Variants in RCC2 observed in about 807,000 individuals in gnomAD.
The protein encoded by RCC2 is protein RCC2.
RCC2 carries 19 observed loss-of-function variants against 64.1 expected under a neutral mutation model. The observed-to-expected ratio is 0.30, with a 90% CI of 0.21 to 0.44. The LOEUF is 0.44. Ranked by LOEUF, RCC2 falls within the 20% of genes least tolerant of loss-of-function variation. The probability of loss-of-function intolerance (pLI) is 1.00; values close to 1 mark genes in which losing one functional copy is unlikely to be tolerated. For synonymous variants in RCC2, 325 were observed against 279.6 expected (o/e 1.16, Z -1.62); for missense variants, 508 against 710.4 (o/e 0.72, Z 3.24).
At chr1:17,411,614 AG>A (rs1182247927) in intron 11 of RCC2, among the ~76,000 whole-genome samples, 1 of 151,444 alleles carries the variant, frequency 6.6e-6, no homozygotes, top group Non-Finnish European at 1.5e-5. Context: ...ACCTAGCACC[AG>A]GATCTAAGAA....
chr1:17,416,431 C>A lies in RCC2; in HGVS notation c.1026+49G>T, dbSNP rs1000800631. 10 of 1,561,188 alleles carry A rather than the reference C, an allele frequency of 6.4e-6. No homozygotes were observed. In the Admixed American group the frequency reaches 7.2e-5, roughly 11 times the overall value. ...GTCAGGAAACTTGAGCATAAACACC[C>A]CTTCCATCCTGGTGCGACTCTCAGG... On this transcript the variant is annotated intron_variant, in intron 8 of 12. Coordinates refer to ENST00000375436, the MANE Select transcript of RCC2 (RefSeq NM_018715.4).
chr1:17,418,988 G>C (rs988598642), intron 7 of RCC2, among the ~76,000 whole-genome samples: 4 of 152,202 alleles, frequency 2.6e-5, no homozygotes, highest in Non-Finnish European at 5.9e-5. Flanking sequence ...GTACAGGACA[G>C]AAGCTACTCC....
At chr1:17,429,283 G>C in intron 2 of RCC2, 84 bp from the exon 3 acceptor site, 1 of 1,073,216 alleles carries the variant, frequency 9.3e-7, no homozygotes, top group Non-Finnish European at 1.4e-6. Context: ...AGCACGAAAC[G>C]AAAGAAAATC....
chr1:17,415,834 C>A (rs542220835), intron 8 of RCC2, among the ~76,000 whole-genome samples: 1 of 151,490 alleles, frequency 6.6e-6, no homozygotes, highest in South Asian at 2.1e-4. Flanking sequence ...TTTGAGAGGC[C>A]GAGGTGGGCA....
intron 2 of RCC2, among the ~76,000 whole-genome samples, chr1:17,431,701 G>A (rs899648995): frequency 1.3e-5 from 2 of 151,538 alleles, no homozygotes; most frequent in African/African-American, 2.4e-5. Context: ...TGATTAGGGC[G>A]TCCCCCAAGA....
intron 1 of RCC2, among the ~76,000 whole-genome samples, chr1:17,438,894 G>A (rs983721879): frequency 1.3e-5 from 2 of 152,214 alleles, no homozygotes. Context: ...ATTAAAGAAG[G>A]CTTCGGGACA....
chr1:17,435,865 C>G (rs1273936024), intron 2 of RCC2, among the ~76,000 whole-genome samples: 6 of 148,928 alleles, frequency 4.0e-5, no homozygotes, highest in Non-Finnish European at 7.4e-5. Context: ...TTGCAGTGAG[C>G]TGAGATCGCA....
intron 8 of RCC2, among the ~76,000 whole-genome samples, chr1:17,415,441 G>A (rs182243017): frequency 2.0e-5 from 3 of 152,290 alleles, no homozygotes; most frequent in Admixed American, 6.5e-5. Flanking sequence ...AGCCGGGCGC[G>A]GTGGCTCACA....
intron 4 of RCC2, 133 bp from the exon 5 acceptor site, chr1:17,422,969 G>C: frequency 1.8e-6 from 1 of 568,206 alleles, no homozygotes; most frequent in East Asian, 4.3e-5. Context: ...ATTCCCAACA[G>C]CCAAGATCCA....
Position 17,407,497 on chromosome 1 carries a change from T to A in RCC2, c.*1593A>T, listed in dbSNP as rs2075374735. ...TACTGATTGAACACAGAACAAGAGA[T>A]GCGCGTGGCGTCAGACTAAGTCTTA... On this transcript the variant is annotated 3_prime_UTR_variant, in exon 13 of 13. Coordinates refer to ENST00000375436, the MANE Select transcript of RCC2 (RefSeq NM_018715.4). 1 of 152,508 alleles carries A rather than the reference T, an allele frequency of 6.6e-6. No individual in the cohort carries two copies. Among genetic ancestry groups the A allele is most frequent in the African/African-American group, 2.4e-5 (1 of 41,538 alleles). The allele number at this position is 152,508 out of a possible 1,614,324, so 9.4% of individuals were successfully genotyped here.
chr1:17,419,353 C>T (rs554685460), intron 7 of RCC2, among the ~76,000 whole-genome samples: 62 of 152,216 alleles, frequency 4.1e-4, no homozygotes, highest in African/African-American at 1.2e-3. Flanking sequence ...AGGGAGACTC[C>T]GTCTTTCTTA....
At chr1:17,419,187 T>C (rs528412258) in intron 7 of RCC2, among the ~76,000 whole-genome samples, 116 of 152,286 alleles carry the variant, frequency 7.6e-4, no homozygotes, top group African/African-American at 2.6e-3. Context: ...AAACCCCGTC[T>C]CTACTAAAAA....
At chr1:17,411,972 TCAATCGTG>T (rs1321976849) in intron 11 of RCC2, 142 bp downstream of exon 11, 1 of 704,868 alleles carries the variant, frequency 1.4e-6, no homozygotes, top group East Asian at 2.7e-5. Flanking sequence ...CTCATGGGAC[TCAATCGTG>T]TTGCAAACCT....
intron 5 of RCC2, 37 bp from the exon 6 acceptor site, chr1:17,422,328 A>G (rs758765066): frequency 1.3e-6 from 2 of 1,523,038 alleles, no homozygotes; most frequent in Non-Finnish European, 9.1e-7. Flanking sequence ...AGGGAAGATA[A>G]TGGTGAATGT....
intron 2 of RCC2, among the ~76,000 whole-genome samples, chr1:17,437,661 A>C (rs2075750709): frequency 6.6e-6 from 1 of 151,652 alleles, no homozygotes; most frequent in Non-Finnish European, 1.5e-5. Flanking sequence ...ACCTCGGGGG[A>C]GGGCTCTGCG....
intron 3 of RCC2, among the ~76,000 whole-genome samples, chr1:17,426,117 G>A (rs964201025): frequency 7.9e-5 from 12 of 152,140 alleles, no homozygotes; most frequent in Admixed American, 2.6e-4. Context: ...AGGAAACCCC[G>A]CTCACCCTGA....
chr1:17,414,970 C>T (rs1242508767), intron 8 of RCC2, among the ~76,000 whole-genome samples: 1 of 152,322 alleles, frequency 6.6e-6, no homozygotes, highest in East Asian at 1.9e-4. Flanking sequence ...GTAACCTGTA[C>T]CTGGTCACTG....
At chr1:17,421,707 C>T (rs865963569) in intron 6 of RCC2, among the ~76,000 whole-genome samples, 5 of 152,130 alleles carry the variant, frequency 3.3e-5, no homozygotes, top group Non-Finnish European at 5.9e-5. Context: ...GTTTTCAACC[C>T]GACCACAAAC....
chr1:17,409,591 C>A (rs2075403537), intron 12 of RCC2, among the ~76,000 whole-genome samples: 1 of 152,222 alleles, frequency 6.6e-6, no homozygotes, highest in Non-Finnish European at 1.5e-5. Flanking sequence ...GCCGCAGGGG[C>A]CTCACCCCGC....
Sources: allele counts gnomAD v4.1 joint callset (sites outside exome capture counted in the v4.1 genomes callset), GRCh38; gene constraint gnomAD v4.1.1; transcripts MANE v1.5; gene names NCBI Gene and HGNC (gene_info 2026-07-23, HGNC 2026-07-21).